The following PAXIP1 variants were observed in gnomAD, a reference collection of about 807,000 sequenced individuals.
PAXIP1 encodes PAX interacting protein 1, also known as PAX-interacting protein 1.
A neutral mutation model predicts 140.6 loss-of-function variants in PAXIP1; 19 were observed. The ratio of observed to expected loss-of-function variants is 0.14; its 90% CI spans 0.09 to 0.20. The LOEUF (loss-of-function observed/expected upper bound fraction) is 0.20, where lower values mean the gene tolerates loss of function less well. PAXIP1 is among the 10% of genes least tolerant of loss of function. PAXIP1 has a pLI of 1.00. For missense variants in PAXIP1, 920 were observed against 1,208.6 expected, an observed-to-expected ratio of 0.76 and a Z score of 3.54; for synonymous variants, 442 against 444.6, an observed-to-expected ratio of 0.99 and a Z score of 0.07.
chr7:155,002,785 CG>C, intron 1 of PAXIP1, 63 bp downstream of exon 1: 2 of 929,580 alleles, frequency 2.2e-6, no homozygotes, highest in South Asian at 2.4e-5. Flanking sequence ...GGGACGGGGA[CG>C]GGGACGGGGA....
intron 12 of PAXIP1, 43 bp from the exon 13 acceptor site, chr7:154,959,976 TTAAA>T: frequency 7.1e-7 from 1 of 1,400,724 alleles, no homozygotes; most frequent in Non-Finnish European, 1.0e-6. Context: ...GATACGTTGT[TTAAA>T]TAAAAAGGCC....
intron 17 of PAXIP1, chr7:154,947,210 TTTC>T (rs1808024857): frequency 6.1e-6 from 1 of 164,084 alleles, no homozygotes; most frequent in African/African-American, 2.4e-5. Context: ...TTATATCCCT[TTTC>T]TTTATTTTCT....
intron 2 of PAXIP1, 59 bp from the exon 3 acceptor site, chr7:154,993,828 T>C: frequency 8.0e-7 from 1 of 1,254,290 alleles, no homozygotes; most frequent in Non-Finnish European, 1.1e-6. Context: ...CATATTATTT[T>C]ACTAGTGTTG....
At chr7:154,982,030 A>T (rs1809863623) in intron 5 of PAXIP1, among the ~76,000 whole-genome samples, 1 of 152,216 alleles carries the variant, frequency 6.6e-6, no homozygotes, top group Non-Finnish European at 1.5e-5. Context: ...TGTCATTCTA[A>T]ATCAGTGAAA....
chr7:154,961,024 T>C lies in PAXIP1; in HGVS notation c.2303A>G (p.Asn768Ser), dbSNP rs1330677087. The change falls in exon 12 of 21, where the codon AAC (asparagine) becomes AGC (serine). Residue 768 changes from asparagine to serine, a missense_variant. By Grantham distance (46) the Asn-to-Ser change is conservative. Around this residue, in one of 5 missense-constraint regions of PAXIP1, gnomAD observed 303 missense variants for 517.9 expected, o/e 0.59. Transcript: ENST00000404141. ...KAKEWRIPCV[N>S]AQWLGDILLG... Reference sequence around the variant, plus strand: ...AAGAATGTCGCCAAGCCACTGGGCGTTGACACAGGGTATCCTCCACTCTTT... The same window carrying C: ...AAGAATGTCGCCAAGCCACTGGGCGCTGACACAGGGTATCCTCCACTCTTT... 1.9e-6 allele frequency: 3 copies of C among 1,601,634 alleles called. No individual in the cohort carries two copies. Among genetic ancestry groups the C allele is most frequent in the African/African-American group, 2.7e-5 (2 of 74,766 alleles).
intron 1 of PAXIP1, among the ~76,000 whole-genome samples, 169 bp from the exon 2 acceptor site, chr7:154,998,953 C>T (rs1253737156): frequency 1.3e-5 from 2 of 152,174 alleles, no homozygotes; most frequent in South Asian, 4.1e-4. Flanking sequence ...ATGAAACTTT[C>T]GGGGACAATC....
Position 154,944,006 on chromosome 7 carries a change from ATC to A in PAXIP1, c.*141_*142del. 2 of 742,812 alleles carry A rather than the reference ATC, an allele frequency of 2.7e-6. No individual in the cohort carries two copies. Among genetic ancestry groups the A allele is most frequent in the Non-Finnish European group, 4.9e-6 (2 of 410,562 alleles). The allele number at this position is 742,812 out of a possible 1,614,324, so 46.0% of individuals were successfully genotyped here. On this transcript the variant is annotated 3_prime_UTR_variant, in exon 21 of 21. Transcript: ENST00000404141. The stretch of plus-strand genomic sequence containing the variant: ...TAAAAAGATGCAGTATATTTATTAT[ATC>A]TGTCTTCCTGCTTCACAGTCTGATC...
intron 6 of PAXIP1, among the ~76,000 whole-genome samples, chr7:154,972,778 C>A (rs1206251280): frequency 6.6e-6 from 1 of 152,258 alleles, no homozygotes; most frequent in African/African-American, 2.4e-5. Context: ...TGGCCGCAGT[C>A]TTCCTGCCAG....
At chr7:154,968,289 CA>C in intron 7 of PAXIP1, 113 bp downstream of exon 7, 1 of 819,292 alleles carries the variant, frequency 1.2e-6, no homozygotes, top group Non-Finnish European at 1.9e-6. Context: ...TCACACTCTC[CA>C]TTTTGTAGTA....
At chr7:154,972,825 T>C (rs1002555999) in intron 6 of PAXIP1, among the ~76,000 whole-genome samples, 2 of 152,222 alleles carry the variant, frequency 1.3e-5, no homozygotes, top group African/African-American at 2.4e-5. Context: ...ACCTCAGCAG[T>C]ATCATCACTC....
intron 6 of PAXIP1, among the ~76,000 whole-genome samples, chr7:154,969,519 C>CA (rs1809199971): frequency 6.6e-6 from 1 of 152,264 alleles, no homozygotes; most frequent in South Asian, 2.1e-4. Flanking sequence ...TCGCCTGCAT[C>CA]AGCTCCGCAG....
At chr7:154,959,262 A>G (rs989585730) in intron 13 of PAXIP1, among the ~76,000 whole-genome samples, 2 of 152,252 alleles carry the variant, frequency 1.3e-5, no homozygotes, top group East Asian at 3.8e-4. Flanking sequence ...AACAAAGGTT[A>G]GTATGTAACA....
In PAXIP1 at chr7:154,968,479, C is replaced by A. The variant is rs376820885; in HGVS notation, c.1722G>T (p.Pro574=). The change falls in exon 7 of 21, where the codon CCG becomes CCT. Residue 574 remains proline, a synonymous_variant. Transcript: ENST00000404141. ...GTGGCTGCTGTTGCTGCTGCTGCTG[C>A]GGGGGCTGCTGAGGTGGAACCTGAT... ...LQHQVPPQQP[P]QQQQQQQPPP... 1 of 1,246,022 alleles carries A rather than the reference C, an allele frequency of 8.0e-7. No homozygotes were observed. Among genetic ancestry groups the A allele is most frequent in the African/African-American group, 1.5e-5 (1 of 66,944 alleles). The allele number at this position is 1,246,022 out of a possible 1,614,324, so 77.2% of individuals were successfully genotyped here.
At chr7:154,979,097 G>A (rs1440499760) in intron 5 of PAXIP1, among the ~76,000 whole-genome samples, 1 of 152,154 alleles carries the variant, frequency 6.6e-6, no homozygotes, top group Admixed American at 6.5e-5. Context: ...TGATTTAAGA[G>A]GAAAGCAATG....
chr7:154,972,637 G>C (rs1809380076), intron 6 of PAXIP1, among the ~76,000 whole-genome samples: 1 of 152,196 alleles, frequency 6.6e-6, no homozygotes, highest in Non-Finnish European at 1.5e-5. Flanking sequence ...CTCACCTAAA[G>C]AAAGTGAGAA....
At chr7:154,948,676 T>C (rs1267746882) in intron 16 of PAXIP1, 8 of 151,572 alleles carry the variant, frequency 5.3e-5, no homozygotes, top group African/African-American at 1.5e-4. Flanking sequence ...TTTTAGGAAG[T>C]TCACCAACTT....
rs986152254 is a variant in PAXIP1 at position 154,973,193 on chromosome 7, C to G, written c.1074+2503G>C. Among the ~76,000 whole-genome samples, 5 of 152,196 alleles carry G rather than the reference C, an allele frequency of 3.3e-5. No individual in the cohort carries two copies. The highest frequency in any genetic ancestry group is 1.2e-4 in the African/African-American group (5 of 41,448). ...ACCTCCTCATCTTGGTGGCCTTCTC[C>G]CCATTTCCTCAGCCACACATTCCCA... On this transcript the variant is annotated intron_variant, in intron 6 of 20. Coordinates refer to ENST00000404141, the MANE Select transcript of PAXIP1 (RefSeq NM_007349.4). This position sits in a 1 kb window ranked among gnomAD's most constrained non-coding sequence, Gnocchi z 4.0.
intron 13 of PAXIP1, 44 bp from the exon 14 acceptor site, chr7:154,957,338 A>G (rs1470763211): frequency 2.0e-6 from 2 of 998,626 alleles, no homozygotes; most frequent in East Asian, 2.5e-5. Context: ...CAATCTACTA[A>G]GTAATACAGT....
chr7:154,992,206 G>A (rs949931877), intron 3 of PAXIP1, among the ~76,000 whole-genome samples: 9 of 152,092 alleles, frequency 5.9e-5, no homozygotes, highest in African/African-American at 1.4e-4. Context: ...AGGCTGGAGC[G>A]CAGTGGCACA....
Sources: allele counts gnomAD v4.1 joint callset (sites outside exome capture counted in the v4.1 genomes callset), GRCh38; gene constraint gnomAD v4.1.1; regional missense constraint gnomAD v4.1.1; non-coding constraint Gnocchi (gnomAD v3.1); transcripts MANE v1.5; gene names NCBI Gene and HGNC (gene_info 2026-07-23, HGNC 2026-07-21).